ST8SIA5: variants seen among roughly 807,000 people sequenced by gnomAD.
ST8SIA5 encodes alpha-2,8-sialyltransferase 8E.
A neutral mutation model predicts 40.2 loss-of-function variants in ST8SIA5; 24 were observed. The ratio of observed to expected loss-of-function variants is 0.60; its 90% CI spans 0.43 to 0.84. The LOEUF is 0.84. ST8SIA5 is among the 40% of genes least tolerant of loss of function. The pLI is 0.00. For synonymous variants in ST8SIA5, 198 were observed against 201.8 expected (o/e 0.98, Z 0.16); for missense variants, 465 against 498.5 (o/e 0.93, Z 0.64).
chr18:46,755,735 C>T (rs1471595144), intron 1 of ST8SIA5, among the ~76,000 whole-genome samples: 1 of 152,030 alleles, frequency 6.6e-6, no homozygotes, highest in African/African-American at 2.4e-5. Flanking sequence ...TATGCTGCAG[C>T]TCTGACCTTT....
chr18:46,715,553 AT>A (rs36007614), intron 1 of ST8SIA5, among the ~76,000 whole-genome samples: 74,557 of 146,154 alleles, frequency 0.51, 18,787 homozygotes, highest in Admixed American at 0.6. Context: ...GAAGTGATCT[AT>A]TTTTTTTTTT....
chr18:46,680,473 G>A lies in ST8SIA5; in HGVS notation c.700C>T (p.Arg234Cys), dbSNP rs767065879. The A allele has an allele frequency of 1.4e-5, 23 of 1,598,224 alleles. No individual in the cohort carries two copies. Among genetic ancestry groups the A allele is most frequent in the Admixed American group, 5.1e-5 (3 of 59,026 alleles). Residue 234 changes from arginine (R) to cysteine (C), a missense_variant, in exon 7 of 7, where the codon CGC becomes TGC. Coordinates refer to ENST00000315087, the MANE Select transcript of ST8SIA5 (RefSeq NM_013305.6). The part of the protein sequence containing the change: ...KLEKWRRPFY[R>C]VLQVYENASV... ...GCGTTCTCGTACACCTGCAGCACGC[G>A]ATAGAACGGCCGCCGCCACTTCTCC...
At chr18:46,693,124 T>C (rs948611839) in intron 2 of ST8SIA5, among the ~76,000 whole-genome samples, 8 of 151,630 alleles carry the variant, frequency 5.3e-5, no homozygotes, top group Admixed American at 5.3e-4. Context: ...TATAACGTCT[T>C]ACTTCATGAT....
chr18:46,682,908 C>T (rs572964247), intron 5 of ST8SIA5, among the ~76,000 whole-genome samples: 1 of 152,274 alleles, frequency 6.6e-6, no homozygotes, highest in Admixed American at 6.5e-5. Context: ...AACAAATTCT[C>T]CCTGAGAGCC....
intron 1 of ST8SIA5, among the ~76,000 whole-genome samples, chr18:46,743,937 A>G (rs1004267395): frequency 6.6e-6 from 1 of 152,266 alleles, no homozygotes; most frequent in Non-Finnish European, 1.5e-5. Flanking sequence ...AGAATTTTCA[A>G]CCCAGAATTT....
Position 46,756,498 on chromosome 18 carries a change from G to C in ST8SIA5, c.11C>G (p.Ala4Gly). Reference sequence around the variant, plus strand: ...CAAATCCCGGTTGGCCGAGGGGTCCGCGTAGCGCATCCTGGCTACCGGGCG... The same window carrying C: ...CAAATCCCGGTTGGCCGAGGGGTCCCCGTAGCGCATCCTGGCTACCGGGCG... MRY[A>G]DPSANRDLLG... Residue 4 changes from alanine to glycine, a missense_variant, in exon 1 of 7, where the codon GCG becomes GGG. Coordinates refer to ENST00000315087, the MANE Select transcript of ST8SIA5 (RefSeq NM_013305.6). The C allele has an allele frequency of 1.2e-6, 2 of 1,612,586 alleles. No individual in the cohort carries two copies. The highest frequency in any genetic ancestry group is 1.7e-6 in the Non-Finnish European group (2 of 1,179,034).
chr18:46,710,481 C>T (rs1402401425), intron 1 of ST8SIA5, among the ~76,000 whole-genome samples: 1 of 145,854 alleles, frequency 6.9e-6, no homozygotes, highest in Non-Finnish European at 1.5e-5. Flanking sequence ...CTCCCTTCCC[C>T]TTCCCCTTCC....
In ST8SIA5 at chr18:46,674,050, C is replaced by A; in HGVS notation, c.*5992G>T. On this transcript the variant is annotated 3_prime_UTR_variant, in exon 7 of 7. Transcript: ENST00000315087. Reference sequence around the variant, plus strand: ...CTTCGCATCTGGAGCAGACATCCTGCAAAGCTCAGCTCACCTGTTTCCCAG... The same window carrying A: ...CTTCGCATCTGGAGCAGACATCCTGAAAAGCTCAGCTCACCTGTTTCCCAG... 1 of 152,318 alleles carries A rather than the reference C, an allele frequency of 6.6e-6. No individual in the cohort carries two copies. The allele number at this position is 152,318 out of a possible 1,614,324, so 9.4% of individuals were successfully genotyped here.
chr18:46,735,545 T>A (rs750452070), intron 1 of ST8SIA5, among the ~76,000 whole-genome samples: 22 of 152,178 alleles, frequency 1.4e-4, no homozygotes, highest in Non-Finnish European at 3.1e-4. Flanking sequence ...CATGCAAAAT[T>A]GGTGAAATGA....
intron 1 of ST8SIA5, among the ~76,000 whole-genome samples, chr18:46,732,609 AG>A (rs1216713078): frequency 6.6e-6 from 1 of 152,216 alleles, no homozygotes; most frequent in East Asian, 1.9e-4. Flanking sequence ...CCCTATCATT[AG>A]AGGGATAACC....
At chr18:46,749,379 CAAAAA>C (rs1233744738) in intron 1 of ST8SIA5, among the ~76,000 whole-genome samples, 1 of 151,702 alleles carries the variant, frequency 6.6e-6, no homozygotes, top group Non-Finnish European at 1.5e-5. Flanking sequence ...ATAAAGCTGT[CAAAAA>C]AAGAAAGAAG....
In ST8SIA5 at chr18:46,686,177, A is replaced by G. The variant is rs1369183537; in HGVS notation, c.566T>C (p.Phe189Ser). The G allele has an allele frequency of 6.8e-6, 11 of 1,614,118 alleles. No homozygotes were observed. Among genetic ancestry groups the G allele is most frequent in the Non-Finnish European group, 9.3e-6 (11 of 1,180,004 alleles). Residue 189 changes from phenylalanine to serine, a missense_variant, in exon 5 of 7, where the codon TTC becomes TCC. Physicochemically the swap from Phe to Ser is radical, Grantham distance 155. Coordinates refer to ENST00000315087, the MANE Select transcript of ST8SIA5 (RefSeq NM_013305.6). ...GCAGTGCCAGGGTTTCTTTTACCGGAAGACGAAGTCGGCGCTGTTGATCTC... is the reference window on the plus strand; with the variant it reads ...GCAGTGCCAGGGTTTCTTTTACCGGGAGACGAAGTCGGCGCTGTTGATCTC... Reference protein sequence around the residue: ...GREINSADFVFRCNLPPISEK... With the variant: ...GREINSADFVSRCNLPPISEK...
At chr18:46,699,601 G>C (rs1027035571) in intron 2 of ST8SIA5, among the ~76,000 whole-genome samples, 2 of 152,094 alleles carry the variant, frequency 1.3e-5, no homozygotes, top group Non-Finnish European at 2.9e-5. Context: ...GAATGGTCTC[G>C]ATCTCCTGAC....
chr18:46,723,514 T>C (rs1048728019), intron 1 of ST8SIA5, among the ~76,000 whole-genome samples: 1 of 152,068 alleles, frequency 6.6e-6, no homozygotes, highest in African/African-American at 2.4e-5. Context: ...ATCACACTAC[T>C]GCACTCTAGC....
chr18:46,724,005 G>T (rs1301721301), intron 1 of ST8SIA5, among the ~76,000 whole-genome samples: 1 of 152,164 alleles, frequency 6.6e-6, no homozygotes, highest in East Asian at 1.9e-4. Context: ...AGGGAATGGG[G>T]CAGCAGATGG....
At chr18:46,697,598 C>T (rs2039569221) in intron 2 of ST8SIA5, among the ~76,000 whole-genome samples, 1 of 152,148 alleles carries the variant, frequency 6.6e-6, no homozygotes, top group South Asian at 2.1e-4. Flanking sequence ...CCCAGCTACT[C>T]AGGAGGCTGA....
intron 1 of ST8SIA5, among the ~76,000 whole-genome samples, chr18:46,753,805 A>G (rs1169461938): frequency 6.6e-6 from 1 of 152,144 alleles, no homozygotes; most frequent in Non-Finnish European, 1.5e-5. Flanking sequence ...GTCTCCAAAC[A>G]TTGCCACGGG....
chr18:46,689,922 A>G (rs1161006145), intron 3 of ST8SIA5, among the ~76,000 whole-genome samples: 2 of 151,668 alleles, frequency 1.3e-5, no homozygotes, highest in Admixed American at 1.3e-4. Flanking sequence ...CATCTCTTGC[A>G]GGTACTTCAC....
Position 46,756,589 on chromosome 18 carries a change from G to A in ST8SIA5, c.-81C>T. 2 of 1,480,422 alleles carry A rather than the reference G, an allele frequency of 1.4e-6. No individual in the cohort carries two copies. Among genetic ancestry groups the A allele is most frequent in the Non-Finnish European group, 1.8e-6 (2 of 1,110,170 alleles). The allele number at this position is 1,480,422 out of a possible 1,614,324, so 91.7% of individuals were successfully genotyped here. ...GGGGTTCCGGGGCCCCGGGGGGCGC[G>A]CGGCCGACTTGGCGCCTCACGGTGC... On this transcript the variant is annotated 5_prime_UTR_variant, in exon 1 of 7. Coordinates refer to ENST00000315087, the MANE Select transcript of ST8SIA5 (RefSeq NM_013305.6).
Sources: gnomAD v4.1 joint callset for allele counts (sites outside exome capture counted in the v4.1 genomes callset) on GRCh38, gnomAD v4.1.1 for gene constraint, MANE v1.5 for transcripts, NCBI Gene and HGNC (gene_info 2026-07-23, HGNC 2026-07-21) for gene names.